Variants in ZNF212 observed in about 807,000 individuals in gnomAD.
ZNF212 encodes the protein Zinc finger protein C2H2-150.
A neutral mutation model predicts 47.3 loss-of-function variants in ZNF212; 32 were observed. The ratio of observed to expected loss-of-function variants is 0.68; its 90% CI spans 0.51 to 0.91. The LOEUF is 0.91. ZNF212 is among the 40% of genes least tolerant of loss of function. The pLI is 0.00. For missense variants in ZNF212, 555 were observed against 622.8 expected (o/e 0.89, Z 1.16); for synonymous variants, 242 against 253.8 (o/e 0.95, Z 0.44).
chr7:149,245,442 G>A (rs1796662880), intron 1 of ZNF212, among the ~76,000 whole-genome samples: 1 of 152,072 alleles, frequency 6.6e-6, no homozygotes, highest in Admixed American at 6.6e-5. Context: ...GTTGGGTGGG[G>A]TGACTCATGC....
rs538075166 is a variant in ZNF212 at position 149,240,002 on chromosome 7, C to T, written c.24+200C>T. 52 of 594,316 alleles carry T rather than the reference C, an allele frequency of 8.7e-5. 1 individual carries two copies. In the South Asian group the frequency reaches 3.2e-3, roughly 36 times the overall value. 36.8% of individuals were successfully genotyped at this position (594,316 alleles called of 1,614,324 possible). A position where few individuals can be genotyped will look rare whatever the true frequency, so the allele number is the denominator to read the frequency against. On this transcript the variant is annotated intron_variant, in intron 1 of 4. Transcript: ENST00000335870. ...CCTCCGCTTCCTTCTGCAGCGGGGT[C>T]GGAGCCTCGGCGCCGTGCGCCCTTG...
Position 149,254,663 on chromosome 7 carries a change from A to C in ZNF212, c.*248A>C. 9.8e-6 allele frequency: 5 copies of C among 511,666 alleles called. No homozygotes were observed. Among genetic ancestry groups the C allele is most frequent in the Non-Finnish European group, 1.3e-5 (4 of 302,896 alleles). 31.7% of individuals were successfully genotyped at this position (511,666 alleles called of 1,614,324 possible). Reference sequence around the variant, plus strand: ...CTTCAGGTCTCTGGTTTTCTCATTCATGCCAATGCTTGTGGGCTGGGGTTG... The same window carrying C: ...CTTCAGGTCTCTGGTTTTCTCATTCCTGCCAATGCTTGTGGGCTGGGGTTG... On this transcript the variant is annotated 3_prime_UTR_variant, in exon 5 of 5. Coordinates refer to ENST00000335870, the MANE Select transcript of ZNF212 (RefSeq NM_012256.4). This position sits in a 1 kb window ranked among gnomAD's most constrained non-coding sequence, Gnocchi z 4.5.
At chr7:149,245,467 C>T (rs368642424) in intron 1 of ZNF212, among the ~76,000 whole-genome samples, 5 of 151,710 alleles carry the variant, frequency 3.3e-5, no homozygotes, top group South Asian at 2.1e-4. Context: ...AATACCAGGA[C>T]GTATAATCGT....
At chr7:149,242,051 C>T (rs527596583) in intron 1 of ZNF212, among the ~76,000 whole-genome samples, 8 of 129,760 alleles carry the variant, frequency 6.2e-5, no homozygotes, top group Admixed American at 1.8e-4. Flanking sequence ...GAGAGAGTCT[C>T]GCTCTCTTGC....
intron 1 of ZNF212, among the ~76,000 whole-genome samples, chr7:149,241,756 T>C (rs1224470510): frequency 2.6e-5 from 4 of 152,172 alleles, no homozygotes; most frequent in African/African-American, 7.2e-5. Context: ...TCATCTTTGG[T>C]GTTTATGATT....
intron 1 of ZNF212, among the ~76,000 whole-genome samples, chr7:149,240,576 G>A (rs1337538489): frequency 1.3e-5 from 2 of 152,128 alleles, no homozygotes; most frequent in Non-Finnish European, 2.9e-5. Context: ...CGAGAGTGTT[G>A]GAGTAGTTGC....
rs1474457899 is a variant in ZNF212, at chr7:149,254,515, G to A, written c.*100G>A. The A allele has an allele frequency of 6.9e-7, 1 of 1,443,860 alleles. No individual in the cohort carries two copies. Among genetic ancestry groups the A allele is most frequent in the Non-Finnish European group, 9.1e-7 (1 of 1,098,672 alleles). 89.4% of individuals were successfully genotyped at this position (1,443,860 alleles called of 1,614,324 possible). On this transcript the variant is annotated 3_prime_UTR_variant, in exon 5 of 5. Transcript: ENST00000335870. This position sits in a 1 kb window ranked among gnomAD's most constrained non-coding sequence, Gnocchi z 4.5. ...GACTGAGTTCTTCCTGAGGGCAGTT[G>A]TTTGTGATTGCCTTCCCTTGTCCCA...
At position 149,253,971 on chromosome 7, in the gene ZNF212, G is replaced by A; in HGVS notation, c.1044G>A (p.Glu348=). The A allele has an allele frequency of 6.2e-7, 1 of 1,614,018 alleles. No individual in the cohort carries two copies. The highest frequency in any genetic ancestry group is 8.5e-7 in the Non-Finnish European group (1 of 1,179,974). Residue 348 remains glutamate, a synonymous_variant, in exon 5 of 5, where the codon GAG becomes GAA. Coordinates refer to ENST00000335870, the MANE Select transcript of ZNF212 (RefSeq NM_012256.4). ...GGTGGGGGTCTTGTACACCTGAGGA[G>A]CCAGAGGAGAGCCTTAGGCCCAGGC... The part of the protein sequence containing the change: ...HSGWGSCTPE[E]PEESLRPRPR...
At chr7:149,244,588 T>G (rs1044966416) in intron 1 of ZNF212, among the ~76,000 whole-genome samples, 1 of 152,228 alleles carries the variant, frequency 6.6e-6, no homozygotes. Flanking sequence ...GCTGGAATTA[T>G]GGGCGTGAGC....
rs1796804303 is a variant in ZNF212 at position 149,254,315 on chromosome 7, G to A, written c.1388G>A (p.Ser463Asn). 1 of 1,613,812 alleles carries A rather than the reference G, an allele frequency of 6.2e-7. No homozygotes were observed. Among genetic ancestry groups the A allele is most frequent in the Non-Finnish European group, 8.5e-7 (1 of 1,180,036 alleles). Residue 463 changes from serine to asparagine, a missense_variant, in exon 5 of 5, where the codon AGC (serine) becomes AAC (asparagine). Ser to Asn is a conservative substitution (Grantham distance 46, BLOSUM62 1). Transcript: ENST00000335870. The surrounding 1 kb of genome is among the most constrained non-coding windows in gnomAD (Gnocchi z 4.5). ...TACAGCTGCACTGAGTGTGAGAAGAGCTTTGTCCAGAAGCAGCACCTCCTG... is the reference window on the plus strand; with the variant it reads ...TACAGCTGCACTGAGTGTGAGAAGAACTTTGTCCAGAAGCAGCACCTCCTG... ...RPYSCTECEK[S>N]FVQKQHLLQH...
At chr7:149,243,616 G>C (rs190583660) in intron 1 of ZNF212, among the ~76,000 whole-genome samples, 7 of 152,094 alleles carry the variant, frequency 4.6e-5, no homozygotes, top group African/African-American at 1.7e-4. Context: ...CTTTTGTAAT[G>C]GTAAAAGACT....
At position 149,255,557 on chromosome 7, in the gene ZNF212, T is replaced by G. The variant is rs1054215926; in HGVS notation, c.*1142T>G. 22 of 153,570 alleles carry G rather than the reference T, an allele frequency of 1.4e-4. No individual in the cohort carries two copies. Among genetic ancestry groups the G allele is most frequent in the African/African-American group, 4.8e-4 (20 of 41,354 alleles). The allele number at this position is 153,570 out of a possible 1,614,324, so 9.5% of individuals were successfully genotyped here. ...CATATGTGAACATCCCCTTGGATGA[T>G]TTGCGGTTGCTTAGAATAAAACTTG... is the stretch of plus-strand genomic sequence containing the variant. On this transcript the variant is annotated 3_prime_UTR_variant, in exon 5 of 5. Coordinates refer to ENST00000335870, the MANE Select transcript of ZNF212 (RefSeq NM_012256.4).
rs1382582319 is a variant in ZNF212 at position 149,253,792 on chromosome 7, A to G, written c.865A>G (p.Lys289Glu). 1.2e-6 allele frequency: 2 copies of G among 1,614,100 alleles called. No homozygotes were observed. The highest frequency in any genetic ancestry group is 3.3e-5 in the Admixed American group (2 of 60,018). ...CAGCAGCAGAACTGTGGGCTGCCCG[A>G]AGCAGAAATCTCATAGGCAGGTACA... is the stretch of plus-strand genomic sequence containing the variant. Reference protein sequence around the residue: ...PSSSRTVGCPKQKSHRQVQLD... With the variant: ...PSSSRTVGCPEQKSHRQVQLD... The change falls in exon 5 of 5, where the codon AAG (lysine) becomes GAG (glutamate). Residue 289 changes from lysine (K) to glutamate (E), a missense_variant. By Grantham distance (56) the Lys-to-Glu change is moderately conservative (BLOSUM62 1). Transcript: ENST00000335870.
rs1043635816 is a variant in ZNF212, at chr7:149,250,075, A to G, written c.25-84A>G. Reference sequence around the variant, plus strand: ...TTTTTTAATTAAAAGAAACTAGATAACTCTGAGCACTGATACACTTGAACA... The same window carrying G: ...TTTTTTAATTAAAAGAAACTAGATAGCTCTGAGCACTGATACACTTGAACA... On this transcript the variant is annotated intron_variant, in intron 1 of 4. Coordinates refer to ENST00000335870, the MANE Select transcript of ZNF212 (RefSeq NM_012256.4). 21 of 1,310,456 alleles carry G rather than the reference A, an allele frequency of 1.6e-5. No homozygotes were observed. In the African/African-American group the frequency reaches 3.1e-4, roughly 20 times the overall value. 81.2% of individuals were successfully genotyped at this position (1,310,456 alleles called of 1,614,324 possible). A position where few individuals can be genotyped will look rare whatever the true frequency, so the allele number is the denominator to read the frequency against.
Position 149,243,228 on chromosome 7 carries a change from C to T in ZNF212, c.24+3426C>T, listed in dbSNP as rs1167281384. 2.0e-5 allele frequency among the ~76,000 whole-genome samples: 3 copies of T among 152,042 alleles called. No homozygotes were observed. In the East Asian group the frequency reaches 5.8e-4, roughly 29 times the overall value. On this transcript the variant is annotated intron_variant, in intron 1 of 4. Coordinates refer to ENST00000335870, the MANE Select transcript of ZNF212 (RefSeq NM_012256.4). ...CTAACACAGTGAAATTCCGTCTCTACTAGAAATACAAAAAATTAGCCAGAT... is the reference window on the plus strand; with the variant it reads ...CTAACACAGTGAAATTCCGTCTCTATTAGAAATACAAAAAATTAGCCAGAT...
At chr7:149,247,982 G>T (rs1393278419) in intron 1 of ZNF212, among the ~76,000 whole-genome samples, 1 of 152,202 alleles carries the variant, frequency 6.6e-6, no homozygotes. Context: ...CAGCAGGTGT[G>T]TGTAGAGATC....
chr7:149,254,007 A>T lies in ZNF212; in HGVS notation c.1080A>T (p.Lys360Asn), dbSNP rs1202561447. ...GCCTTAGGCCCAGGCCACGGCTGAA[A>T]CCACAGACCAAAAAGGCCAAGCTGC... is the stretch of plus-strand genomic sequence containing the variant. ...EESLRPRPRL[K>N]PQTKKAKLHQ... Residue 360 changes from lysine (K) to asparagine (N), a missense_variant, in exon 5 of 5, where the codon AAA (lysine) becomes AAT (asparagine). Transcript: ENST00000335870. The surrounding 1 kb of genome is among the most constrained non-coding windows in gnomAD (Gnocchi z 4.5). 1 of 1,613,476 alleles carries T rather than the reference A, an allele frequency of 6.2e-7. No individual in the cohort carries two copies. The highest frequency in any genetic ancestry group is 1.3e-5 in the African/African-American group (1 of 75,040).
intron 4 of ZNF212, 35 bp downstream of exon 4, chr7:149,252,830 T>C (rs1433568423): frequency 6.3e-7 from 1 of 1,598,546 alleles, no homozygotes; most frequent in East Asian, 2.2e-5. Flanking sequence ...TCCCCTTCCA[T>C]AGCCCTCTGT....
intron 1 of ZNF212, 61 bp downstream of exon 1, chr7:149,239,863 G>A: frequency 7.9e-7 from 1 of 1,260,712 alleles, no homozygotes. Flanking sequence ...TCCCCTGCCG[G>A]GGGCGGGGCT....
Sources: gnomAD v4.1 joint callset for allele counts (sites outside exome capture counted in the v4.1 genomes callset) on GRCh38, gnomAD v4.1.1 for gene constraint, Gnocchi (gnomAD v3.1) non-coding constraint, MANE v1.5 for transcripts, NCBI Gene and HGNC (gene_info 2026-07-23, HGNC 2026-07-21) for gene names.